Variants in GPR39 observed in about 807,000 individuals in gnomAD.
GPR39 encodes the protein G protein-coupled receptor 39.
A neutral mutation model predicts 18.4 loss-of-function variants in GPR39; 23 were observed. The ratio of observed to expected loss-of-function variants is 1.25; its 90% CI spans 0.90 to 1.77. The LOEUF is 1.77. Ranked by LOEUF, GPR39 falls within the 40% of genes most tolerant of loss-of-function variation. The pLI, the probability that GPR39 is intolerant of heterozygous loss-of-function variation, is 0.00. For synonymous variants in GPR39, 280 were observed against 257.9 expected (o/e 1.09, Z -0.82); for missense variants, 647 against 602.4 (o/e 1.07, Z -0.78).
At chr2:132,492,820 A>G (rs2104797250) in intron 1 of GPR39, among the ~76,000 whole-genome samples, 1 of 143,464 alleles carries the variant, frequency 7.0e-6, no homozygotes, top group Admixed American at 7.1e-5. Context: ...TACATACCAT[A>G]TATATACCAT....
At chr2:132,504,574 G>A (rs904338491) in intron 1 of GPR39, among the ~76,000 whole-genome samples, 1 of 152,106 alleles carries the variant, frequency 6.6e-6, no homozygotes, top group African/African-American at 2.4e-5. Context: ...TCAGGGAAGA[G>A]CCTGTCTCTC....
chr2:132,626,792 T>A (rs76485058), intron 1 of GPR39, among the ~76,000 whole-genome samples: 2,298 of 152,284 alleles, frequency 0.015, 49 homozygotes, highest in Admixed American at 0.047. Context: ...GACATTTATA[T>A]AATTGAGACT....
chr2:132,626,881 G>A (rs1681553444), intron 1 of GPR39, among the ~76,000 whole-genome samples: 1 of 152,198 alleles, frequency 6.6e-6, no homozygotes, highest in Non-Finnish European at 1.5e-5. Context: ...TAATTGAAAA[G>A]CCTATAGGTA....
intron 1 of GPR39, among the ~76,000 whole-genome samples, chr2:132,642,402 C>CA (rs1681871581): frequency 6.6e-6 from 1 of 152,180 alleles, no homozygotes; most frequent in Non-Finnish European, 1.5e-5. Flanking sequence ...TGGCTACAAA[C>CA]AACACCACAA....
At chr2:132,599,242 A>C (rs1169295466) in intron 1 of GPR39, among the ~76,000 whole-genome samples, 2 of 152,130 alleles carry the variant, frequency 1.3e-5, no homozygotes, top group Admixed American at 6.5e-5. Context: ...GGGACTCTTA[A>C]ATATCTTTTT....
At chr2:132,635,957 G>T (rs1681747610) in intron 1 of GPR39, among the ~76,000 whole-genome samples, 1 of 152,144 alleles carries the variant, frequency 6.6e-6, no homozygotes. Flanking sequence ...GCACCAAATC[G>T]GCTGGCACGT....
intron 1 of GPR39, among the ~76,000 whole-genome samples, chr2:132,485,509 C>T (rs1002993876): frequency 1.3e-5 from 2 of 152,194 alleles, no homozygotes; most frequent in Non-Finnish European, 2.9e-5. Flanking sequence ...TGAAGTCAAT[C>T]CTCTAAAATC....
intron 1 of GPR39, among the ~76,000 whole-genome samples, chr2:132,644,443 G>C (rs933329032): frequency 2.0e-5 from 3 of 152,226 alleles, no homozygotes; most frequent in African/African-American, 4.8e-5. Flanking sequence ...GGATCTAAAA[G>C]TGTCTGAAAA....
intron 1 of GPR39, among the ~76,000 whole-genome samples, chr2:132,585,047 C>T (rs1333341269): frequency 3.3e-5 from 5 of 152,164 alleles, no homozygotes; most frequent in Admixed American, 3.3e-4. Context: ...TCAAAATACA[C>T]CAAATGTTTT....
intron 1 of GPR39, among the ~76,000 whole-genome samples, chr2:132,583,028 G>T (rs1387263285): frequency 1.3e-5 from 2 of 150,028 alleles, no homozygotes; most frequent in Admixed American, 6.7e-5. Context: ...ATCCCAAGTG[G>T]CTGGAACTAC....
chr2:132,553,347 G>A (rs199760982), intron 1 of GPR39, among the ~76,000 whole-genome samples: 1 of 137,300 alleles, frequency 7.3e-6, no homozygotes, highest in Non-Finnish European at 1.6e-5. Context: ...ATGTATATGT[G>A]TATATATATA....
chr2:132,634,058 G>A (rs891829692), intron 1 of GPR39, among the ~76,000 whole-genome samples: 2 of 142,816 alleles, frequency 1.4e-5, no homozygotes, highest in East Asian at 1.9e-4. Flanking sequence ...TGATGGTGGG[G>A]GTGGCAGTAG....
chr2:132,636,593 C>A (rs1263746932), intron 1 of GPR39, among the ~76,000 whole-genome samples: 1 of 152,190 alleles, frequency 6.6e-6, no homozygotes, highest in African/African-American at 2.4e-5. Context: ...TGGGAAGCCC[C>A]ACGTTTGGAC....
intron 1 of GPR39, among the ~76,000 whole-genome samples, chr2:132,458,355 C>T (rs1680771318): frequency 1.3e-5 from 2 of 151,014 alleles, no homozygotes; most frequent in African/African-American, 4.9e-5. Context: ...TCACTTATTT[C>T]CAGATTTTTC....
chr2:132,477,862 C>G (rs959368438), intron 1 of GPR39, among the ~76,000 whole-genome samples: 1 of 152,164 alleles, frequency 6.6e-6, no homozygotes, highest in South Asian at 2.1e-4. Flanking sequence ...AAGAATTGAT[C>G]ACATAATGGC....
intron 1 of GPR39, among the ~76,000 whole-genome samples, chr2:132,447,025 A>C (rs554300662): frequency 6.6e-6 from 1 of 152,176 alleles, no homozygotes; most frequent in Non-Finnish European, 1.5e-5. Context: ...GAAACGGGCA[A>C]AGCAATGCCC....
intron 1 of GPR39, among the ~76,000 whole-genome samples, chr2:132,602,236 A>G (rs758877872): frequency 5.3e-5 from 8 of 152,154 alleles, no homozygotes; most frequent in Non-Finnish European, 8.8e-5. Context: ...AAATCCATAT[A>G]TTTACAGCCA....
intron 1 of GPR39, among the ~76,000 whole-genome samples, chr2:132,524,394 G>A (rs534925422): frequency 6.6e-6 from 1 of 152,208 alleles, no homozygotes; most frequent in South Asian, 2.1e-4. Context: ...TTCCCACCTA[G>A]CAGTGGTGGT....
At chr2:132,584,129 G>A (rs893705691) in intron 1 of GPR39, among the ~76,000 whole-genome samples, 1 of 152,074 alleles carries the variant, frequency 6.6e-6, no homozygotes, top group African/African-American at 2.4e-5. Flanking sequence ...GCAGTTGAAC[G>A]TGGTGGGACA....
Sources: gnomAD v4.1 joint callset for allele counts (sites outside exome capture counted in the v4.1 genomes callset) on GRCh38, gnomAD v4.1.1 for gene constraint, MANE v1.5 for transcripts, NCBI Gene and HGNC (gene_info 2026-07-23, HGNC 2026-07-21) for gene names.